Variants in HSPBP1 observed in about 807,000 individuals in gnomAD.
HSPBP1 encodes the protein hsp70-binding protein 1.
A neutral mutation model predicts 41.7 loss-of-function variants in HSPBP1; 31 were observed. The observed-to-expected ratio is 0.74, with a 90% confidence interval of 0.56 to 1.00. The LOEUF (loss-of-function observed/expected upper bound fraction) is 1.00. Among genes scored for constraint, HSPBP1 ranks in the 50% least tolerant of loss-of-function variants. The pLI is 0.00. For synonymous variants in HSPBP1, 199 were observed against 214.4 expected, an observed-to-expected ratio of 0.93 and a Z score of 0.63; for missense variants, 439 against 487.9, an observed-to-expected ratio of 0.90 and a Z score of 0.94.
intron 3 of HSPBP1, 88 bp downstream of exon 3, chr19:55,277,554 G>T: frequency 7.6e-7 from 1 of 1,319,058 alleles, no homozygotes; most frequent in Non-Finnish European, 1.1e-6. Flanking sequence ...GAGGCTGACG[G>T]TGTGAGCCCC....
chr19:55,266,037 T>A lies in HSPBP1; in HGVS notation c.797-55A>T. 4 of 1,559,540 alleles carry A rather than the reference T, an allele frequency of 2.6e-6. 1 individual carries two copies. The Admixed American group carries it at 7.5e-5, about 29-fold the overall frequency. On this transcript the variant is annotated intron_variant, in intron 5 of 7. Coordinates refer to ENST00000433386, the MANE Select transcript of HSPBP1 (RefSeq NM_012267.5). ...GCAGCCCCACCCATCTCCTATGCCC[T>A]CCCCGGGATGCCTGTTCCTCCCCTT...
chr19:55,262,752 G>T, intron 7 of HSPBP1, 70 bp from the exon 8 acceptor site: 1 of 1,447,692 alleles, frequency 6.9e-7, no homozygotes, highest in Non-Finnish European at 9.5e-7. Flanking sequence ...AGCATTCTTG[G>T]CACCCAGAGG....
At chr19:55,278,923 C>CCAAAA (rs764250410) in intron 2 of HSPBP1, among the ~76,000 whole-genome samples, 1 of 90,654 alleles carries the variant, frequency 1.1e-5, no homozygotes, top group Non-Finnish European at 2.2e-5. Context: ...CTGCCCCCAC[C>CCAAAA]AAAAAAAAAA....
chr19:55,277,032 A>G (rs1030481687), intron 3 of HSPBP1, among the ~76,000 whole-genome samples: 1 of 152,094 alleles, frequency 6.6e-6, no homozygotes, highest in African/African-American at 2.4e-5. Flanking sequence ...CACACCCTCA[A>G]TTGCTACACC....
chr19:55,279,919 C>T, intron 1 of HSPBP1, 116 bp downstream of exon 1: 1 of 494,216 alleles, frequency 2.0e-6, no homozygotes, highest in Non-Finnish European at 3.6e-6. Context: ...TGCGTCCCGT[C>T]TCTTAGCAAC....
chr19:55,278,235 G>C (rs1312013415), intron 2 of HSPBP1, among the ~76,000 whole-genome samples: 1 of 152,168 alleles, frequency 6.6e-6, no homozygotes, highest in Non-Finnish European at 1.5e-5. Flanking sequence ...GCAACACAGT[G>C]AGACTATCTC....
intron 2 of HSPBP1, 56 bp from the exon 3 acceptor site, chr19:55,277,902 G>A: frequency 7.3e-7 from 1 of 1,375,850 alleles, no homozygotes. Context: ...CATTACAAAG[G>A]AACAGCCATT....
intron 4 of HSPBP1, among the ~76,000 whole-genome samples, chr19:55,271,218 T>G (rs887531568): frequency 1.1e-4 from 16 of 147,572 alleles, no homozygotes; most frequent in African/African-American, 3.9e-4. Context: ...TGTAATGACT[T>G]TTTTTTTTTT....
intron 4 of HSPBP1, 53 bp downstream of exon 4, chr19:55,274,345 G>GCCC (rs759957756): frequency 6.1e-5 from 34 of 553,092 alleles, no homozygotes; most frequent in East Asian, 1.5e-4. Context: ...GGCCCACCCG[G>GCCC]CACCCCCCCC....
rs749222436 is a variant in HSPBP1, at chr19:55,274,446, G to A, written c.592C>T (p.Arg198Cys). 1.5e-5 allele frequency: 23 copies of A among 1,585,762 alleles called. No individual in the cohort carries two copies. The highest frequency in any genetic ancestry group is 4.5e-5 in the South Asian group (4 of 88,194). The change falls in exon 4 of 8, where the codon CGC becomes TGC. Residue 198 changes from arginine (R) to cysteine (C), a missense_variant. By Grantham distance (180) the Arg-to-Cys change is radical. Transcript: ENST00000433386. Reference protein sequence around the residue: ...ALRKLLRLLDRDACDTVRVKA... With the variant: ...ALRKLLRLLDCDACDTVRVKA... ...ACGCGCACCGTGTCGCAGGCGTCGCGGTCCAGCAGCCGCAGCAGCTTACGC... is the reference window on the plus strand; with the variant it reads ...ACGCGCACCGTGTCGCAGGCGTCGCAGTCCAGCAGCCGCAGCAGCTTACGC...
At chr19:55,269,952 G>C (rs1282678638) in intron 4 of HSPBP1, among the ~76,000 whole-genome samples, 4 of 152,182 alleles carry the variant, frequency 2.6e-5, no homozygotes, top group Admixed American at 6.5e-5. Flanking sequence ...TGGCTCCACA[G>C]AGGGCGAGCG....
rs1048079295 is a variant in HSPBP1, at chr19:55,272,312, C to T, written c.640+2086G>A. Among the ~76,000 whole-genome samples, 1 of 152,042 alleles carries T rather than the reference C, an allele frequency of 6.6e-6. No individual in the cohort carries two copies. Among genetic ancestry groups the T allele is most frequent in the Non-Finnish European group, 1.5e-5 (1 of 68,018 alleles). ...ACCCACGCAACAGGACACATTCAGC[C>T]GCGGGAAGGAACACAGCACTGCCAC... On this transcript the variant is annotated intron_variant, in intron 4 of 7. Transcript: ENST00000433386. The surrounding 1 kb of genome is among the most constrained non-coding windows in gnomAD (Gnocchi z 4.2).
chr19:55,271,844 C>T (rs894183976), intron 4 of HSPBP1, among the ~76,000 whole-genome samples: 35 of 152,202 alleles, frequency 2.3e-4, no homozygotes, highest in African/African-American at 7.5e-4. Context: ...CACCTGAGGT[C>T]GGGGGTTTGA....
rs140259740 is a variant in HSPBP1, at chr19:55,268,159, G to A, written c.641-1873C>T. On this transcript the variant is annotated intron_variant, in intron 4 of 7. Coordinates refer to ENST00000433386, the MANE Select transcript of HSPBP1 (RefSeq NM_012267.5). The surrounding 1 kb of genome is among the most constrained non-coding windows in gnomAD (Gnocchi z 4.5). ...ATTAAACACAACGTTGGCTGGGCGC[G>A]GTGGCTCATGCCTGTAATCCCAGCA... 8.6e-3 allele frequency among the ~76,000 whole-genome samples: 1,313 copies of A among 152,254 alleles called. 13 individuals are homozygous for A. The highest frequency in any genetic ancestry group is 0.02 in the Middle Eastern group (6 of 294).
In HSPBP1 at chr19:55,270,774, A is replaced by ACACCACACATACG. The variant is rs2087903679; in HGVS notation, c.640+3611_640+3623dup. On this transcript the variant is annotated intron_variant, in intron 4 of 7. Coordinates refer to ENST00000433386, the MANE Select transcript of HSPBP1 (RefSeq NM_012267.5). This position sits in a 1 kb window ranked among gnomAD's most constrained non-coding sequence, Gnocchi z 5.4. ...TCCCACACACGCCATGCACATCCACACACCACACATACGCACCACACATAC... is the reference window on the plus strand; with the variant it reads ...TCCCACACACGCCATGCACATCCACACACCACACATACGCACCACACATACGCACCACACATAC... 6.6e-6 allele frequency among the ~76,000 whole-genome samples: 1 copy of ACACCACACATACG among 151,278 alleles called. No individual in the cohort carries two copies. The highest frequency in any genetic ancestry group is 2.1e-4 in the South Asian group (1 of 4,792).
In HSPBP1 at chr19:55,266,301, A is replaced by C. The variant is rs749604004; in HGVS notation, c.641-15T>G. The C allele has an allele frequency of 1.1e-5, 17 of 1,560,862 alleles. No individual in the cohort carries two copies. The highest frequency in any genetic ancestry group is 4.7e-5 in the South Asian group (4 of 84,812). ...TCGGACCAGACCTGGGAGAGGGGGA[A>C]AGGTCCTGAGCTTGCAGTCACCACC... On this transcript the variant is annotated splice_polypyrimidine_tract_variant and intron_variant, in intron 4 of 7. Transcript: ENST00000433386.
intron 4 of HSPBP1, among the ~76,000 whole-genome samples, chr19:55,267,973 A>G (rs868767242): frequency 2.6e-5 from 4 of 152,212 alleles, no homozygotes; most frequent in Non-Finnish European, 5.9e-5. Flanking sequence ...GGTAGGCTCT[A>G]GGCCTGTGCT....
intron 2 of HSPBP1, among the ~76,000 whole-genome samples, chr19:55,278,410 T>C (rs1480643304): frequency 6.6e-6 from 1 of 152,056 alleles, no homozygotes. Context: ...AATGATATCA[T>C]ATATGTAAGT....
chr19:55,262,653 T>C lies in HSPBP1; in HGVS notation c.1035A>G (p.Leu345=), dbSNP rs969223043. Residue 345 remains leucine (L), a synonymous_variant, in exon 8 of 8, where the codon CTA becomes CTG. Coordinates refer to ENST00000433386, the MANE Select transcript of HSPBP1 (RefSeq NM_012267.5). ...QEELEFCEKL[L]QTCFSSPADD... ...CCGCTGGGCTGGAGAAACAGGTCTG[T>C]AGCAGCTTTTCACAGAACTCCAGCT... is the stretch of plus-strand genomic sequence containing the variant. 7 of 1,613,810 alleles carry C rather than the reference T, an allele frequency of 4.3e-6. No individual in the cohort carries two copies. In the South Asian group the frequency reaches 5.5e-5, roughly 13 times the overall value.
Sources: allele counts gnomAD v4.1 joint callset (sites outside exome capture counted in the v4.1 genomes callset), GRCh38; gene constraint gnomAD v4.1.1; non-coding constraint Gnocchi (gnomAD v3.1); transcripts MANE v1.5; gene names NCBI Gene and HGNC (gene_info 2026-07-23, HGNC 2026-07-21).